Variants in GLRA2 observed in about 807,000 individuals in gnomAD.
GLRA2 encodes glycine receptor alpha 2, also known as glycine receptor subunit alpha-2.
Under a neutral mutation model 31.6 loss-of-function variants are expected in GLRA2, and 11 were observed. The ratio of observed to expected loss-of-function variants is 0.35; its 90% CI spans 0.22 to 0.58. The LOEUF (loss-of-function observed/expected upper bound fraction) is 0.58. Ranked by LOEUF, GLRA2 falls within the 20% of genes least tolerant of loss-of-function variation. GLRA2 has a pLI of 0.84. For synonymous variants in GLRA2, 132 were observed against 134.0 expected (o/e 0.99, Z 0.10); for missense variants, 212 against 351.8 (o/e 0.60, Z 3.18).
At chrX:14,561,314 A>G (rs1002241563) in intron 2 of GLRA2, among the ~76,000 whole-genome samples, 2 of 112,385 alleles carry the variant, frequency 1.8e-5, no homozygotes, top group African/African-American at 3.2e-5. Flanking sequence ...CATTTCATCT[A>G]TGGAAAGACC....
intron 2 of GLRA2, among the ~76,000 whole-genome samples, chrX:14,564,784 G>T (rs1373856225): frequency 1.8e-5 from 2 of 111,871 alleles, no homozygotes; most frequent in Non-Finnish European, 3.8e-5. Context: ...TGTTGTATAA[G>T]AGTGGAGCTA....
At position 14,731,245 on chromosome X, in the gene GLRA2, C is replaced by A. The variant is rs1174974637; in HGVS notation, c.*760C>A. On this transcript the variant is annotated 3_prime_UTR_variant, in exon 9 of 9. Coordinates refer to ENST00000218075, the MANE Select transcript of GLRA2 (RefSeq NM_002063.4). ...TTCTTTCCAAGATAAAATTTTGAAA[C>A]TTAAATTGTGTATTGTGTAATTAAT... The A allele has an allele frequency of 8.9e-6, 1 of 112,267 alleles. No homozygotes were observed. Among genetic ancestry groups the A allele is most frequent in the African/African-American group, 3.2e-5 (1 of 30,827 alleles). 9.3% of individuals were successfully genotyped at this position (112,267 alleles called of 1,213,427 possible). A position where few individuals can be genotyped will look rare whatever the true frequency, so the allele number is the denominator to read the frequency against.
At chrX:14,670,267 A>G (rs1054551928) in intron 7 of GLRA2, among the ~76,000 whole-genome samples, 1 of 111,827 alleles carries the variant, frequency 8.9e-6, no homozygotes, top group South Asian at 3.7e-4. Flanking sequence ...ACAAGTCTCT[A>G]GGAAGTTCCA....
chrX:14,573,733 G>A (rs751221232), intron 2 of GLRA2, among the ~76,000 whole-genome samples: 116 of 110,007 alleles, frequency 1.1e-3, no homozygotes, highest in African/African-American at 3.8e-3. Context: ...CAATATGGAC[G>A]TAAATTGACA....
At chrX:14,600,051 GA>G (rs1182129835) in intron 4 of GLRA2, among the ~76,000 whole-genome samples, 1 of 109,188 alleles carries the variant, frequency 9.2e-6, no homozygotes, top group Non-Finnish European at 1.9e-5. Flanking sequence ...AAACAAAGAA[GA>G]AAAAAAAACC....
At chrX:14,584,189 C>T (rs1413564636) in intron 4 of GLRA2, among the ~76,000 whole-genome samples, 1 of 111,563 alleles carries the variant, frequency 9.0e-6, no homozygotes, top group Non-Finnish European at 1.9e-5. Flanking sequence ...GCACATGTAT[C>T]CCTGAACCTA....
At chrX:14,674,709 C>CT (rs1234163505) in intron 7 of GLRA2, among the ~76,000 whole-genome samples, 1 of 109,879 alleles carries the variant, frequency 9.1e-6, no homozygotes, top group African/African-American at 3.3e-5. Flanking sequence ...TTTTTTCTTT[C>CT]TTCCATATCT....
At chrX:14,717,607 T>C (rs2147248000) in intron 8 of GLRA2, among the ~76,000 whole-genome samples, 1 of 110,887 alleles carries the variant, frequency 9.0e-6, no homozygotes, top group South Asian at 3.8e-4. Flanking sequence ...GAGTTGTATA[T>C]AGTTATGAGT....
At chrX:14,559,061 G>A (rs956794824) in intron 2 of GLRA2, among the ~76,000 whole-genome samples, 2 of 111,557 alleles carry the variant, frequency 1.8e-5, no homozygotes, top group African/African-American at 3.3e-5. Flanking sequence ...CTGACTTCAG[G>A]TGATCTGCCC....
At chrX:14,469,009 G>A in the GLRA2 span, among the ~76,000 whole-genome samples, 2 of 111,063 alleles carry the variant, frequency 1.8e-5, no homozygotes, top group African/African-American at 3.3e-5. Flanking sequence ...TTTTGATGGG[G>A]TTGTTTGTTT....
rs1430278364 is a variant in GLRA2 at position 14,637,244 on chromosome X, A to G, written c.930+28039A>G. ...CTTAGGTCCCCTGATCACCCTGGAC[A>G]AATGAATTGCCATCAAGTGAGTAGA... On this transcript the variant is annotated intron_variant, in intron 7 of 8. Transcript: ENST00000218075. Among the ~76,000 whole-genome samples the G allele has an allele frequency of 3.6e-5, 4 of 111,936 alleles. No homozygotes were observed. The East Asian group carries it at 1.1e-3, about 31-fold the overall frequency.
At chrX:14,473,990 C>T in the GLRA2 span, among the ~76,000 whole-genome samples, 1 of 111,122 alleles carries the variant, frequency 9.0e-6, no homozygotes, top group African/African-American at 3.3e-5. Flanking sequence ...TTACAGGGAT[C>T]CAGATTGATA....
the GLRA2 span, among the ~76,000 whole-genome samples, chrX:14,467,862 CCTTTA>C: frequency 4.9e-4 from 54 of 110,227 alleles, no homozygotes; most frequent in Non-Finnish European, 7.8e-4. Context: ...AAAAAAAAAT[CCTTTA>C]CTTCAAGTTT....
chrX:14,608,918 TAAAC>T (rs1360696398), intron 6 of GLRA2, 69 bp from the exon 7 acceptor site: 9 of 461,978 alleles, frequency 1.9e-5, no homozygotes, highest in African/African-American at 5.3e-5. Context: ...TTTTTTTTTT[TAAAC>T]AACGTGGGAT....
the GLRA2 span, among the ~76,000 whole-genome samples, chrX:14,505,704 T>C: frequency 8.9e-6 from 1 of 111,732 alleles, no homozygotes; most frequent in African/African-American, 3.3e-5. Context: ...TTTTTATTGT[T>C]CTCCTTTGAA....
chrX:14,642,169 A>G (rs764215028), intron 7 of GLRA2, among the ~76,000 whole-genome samples: 68 of 111,894 alleles, frequency 6.1e-4, no homozygotes, highest in Non-Finnish European at 1.2e-3. Flanking sequence ...ATGTGACAGG[A>G]GAGGAAATTG....
chrX:14,730,144 A>T, intron 8 of GLRA2, 63 bp from the exon 9 acceptor site: 1 of 850,372 alleles, frequency 1.2e-6, no homozygotes, highest in Non-Finnish European at 1.7e-6. Context: ...AAAGAATTTT[A>T]AGCATCTTCC....
chrX:14,476,471 G>C, the GLRA2 span, among the ~76,000 whole-genome samples: 4 of 111,644 alleles, frequency 3.6e-5, no homozygotes, highest in African/African-American at 1.3e-4. Flanking sequence ...TCTTCAGAAT[G>C]TGGTAAGGTA....
intron 7 of GLRA2, among the ~76,000 whole-genome samples, chrX:14,661,924 CTAAGAAT>C (rs995007107): frequency 9.4e-6 from 1 of 106,190 alleles, no homozygotes; most frequent in African/African-American, 3.4e-5. Flanking sequence ...CATCCACAGT[CTAAGAAT>C]TAAGTATATT....
Sources: allele counts gnomAD v4.1 joint callset (sites outside exome capture counted in the v4.1 genomes callset), GRCh38; gene constraint gnomAD v4.1.1; transcripts MANE v1.5; gene names NCBI Gene and HGNC (gene_info 2026-07-23, HGNC 2026-07-21).